MACROD1: variants seen among roughly 807,000 people sequenced by gnomAD.
MACROD1 encodes mono-ADP ribosylhydrolase 1.
A neutral mutation model predicts 41.4 loss-of-function variants in MACROD1; 31 were observed. The ratio of observed to expected loss-of-function variants is 0.75; its 90% confidence interval spans 0.56 to 1.01. The LOEUF (loss-of-function observed/expected upper bound fraction) is 1.01, where lower values mean the gene tolerates loss of function less well. MACROD1 is among the 50% of genes least tolerant of loss of function. The probability of loss-of-function intolerance (pLI) is 0.00; values close to 1 mark genes in which losing one functional copy is unlikely to be tolerated. For synonymous variants in MACROD1, 252 were observed against 203.4 expected, an observed-to-expected ratio of 1.24 and a Z score of -2.03; for missense variants, 473 against 460.0, an observed-to-expected ratio of 1.03 and a Z score of -0.26.
intron 3 of MACROD1, among the ~76,000 whole-genome samples, chr11:64,048,300 G>T (rs972594922): frequency 6.6e-6 from 1 of 152,362 alleles, no homozygotes; most frequent in Admixed American, 6.5e-5. Context: ...CCCATGGGAG[G>T]TGCAGACAGA....
At chr11:64,127,965 A>G (rs767933188) in intron 3 of MACROD1, among the ~76,000 whole-genome samples, 1 of 152,012 alleles carries the variant, frequency 6.6e-6, no homozygotes, top group Non-Finnish European at 1.5e-5. Flanking sequence ...TAAAACAAGA[A>G]CTCATTACTT....
intron 1 of MACROD1, among the ~76,000 whole-genome samples, chr11:64,160,196 T>G (rs1286575868): frequency 1.3e-5 from 2 of 152,142 alleles, no homozygotes; most frequent in Non-Finnish European, 2.9e-5. Flanking sequence ...GGGCAAGGCT[T>G]CCAAAATCAC....
At chr11:64,109,545 T>G (rs1054697051) in intron 3 of MACROD1, among the ~76,000 whole-genome samples, 3 of 151,630 alleles carry the variant, frequency 2.0e-5, no homozygotes, top group African/African-American at 7.3e-5. Context: ...TTCTCAGGGG[T>G]GGGAGTGAGT....
At chr11:64,091,991 C>A (rs926833244) in intron 3 of MACROD1, among the ~76,000 whole-genome samples, 1 of 152,170 alleles carries the variant, frequency 6.6e-6, no homozygotes, top group Non-Finnish European at 1.5e-5. Context: ...TAGAGGACAG[C>A]GGGGCTGCCG....
chr11:64,150,303 C>T (rs951042817), intron 3 of MACROD1, among the ~76,000 whole-genome samples: 1 of 152,354 alleles, frequency 6.6e-6, no homozygotes, highest in East Asian at 1.9e-4. Context: ...GGGCCAGGCA[C>T]GACCGCTACA....
At chr11:64,068,283 AC>A (rs1371110837) in intron 3 of MACROD1, among the ~76,000 whole-genome samples, 2 of 151,898 alleles carry the variant, frequency 1.3e-5, no homozygotes, top group African/African-American at 2.4e-5. Flanking sequence ...TGGCAAGGCC[AC>A]CCCAACCCCA....
At chr11:64,076,938 A>G (rs932362271) in intron 3 of MACROD1, among the ~76,000 whole-genome samples, 2 of 152,122 alleles carry the variant, frequency 1.3e-5, no homozygotes, top group African/African-American at 4.8e-5. Flanking sequence ...ATCAGCACGG[A>G]GAGAATTTTC....
chr11:64,052,112 C>T lies in MACROD1; in HGVS notation c.518-36831G>A, dbSNP rs1462294955. 2.0e-5 allele frequency among the ~76,000 whole-genome samples: 3 copies of T among 151,978 alleles called. No homozygotes were observed. In the East Asian group the frequency reaches 5.8e-4, roughly 30 times the overall value. On this transcript the variant is annotated intron_variant, in intron 3 of 10. Transcript: ENST00000255681. ...AAATCCCTTGGAGGAAGCCCTGGCC[C>T]TCCTCCCTGTAGTGAGAAAGAGTGG...
At chr11:64,108,703 G>T (rs1944807598) in intron 3 of MACROD1, among the ~76,000 whole-genome samples, 1 of 152,244 alleles carries the variant, frequency 6.6e-6, no homozygotes, top group Admixed American at 6.5e-5. Flanking sequence ...CCCGCAGTCT[G>T]CCTGCACGGC....
chr11:64,131,166 A>C (rs1945260001), intron 3 of MACROD1, among the ~76,000 whole-genome samples: 1 of 152,152 alleles, frequency 6.6e-6, no homozygotes, highest in Non-Finnish European at 1.5e-5. Context: ...CCCCCGCCCC[A>C]GGCACTGCAG....
chr11:64,133,164 G>A (rs575621497), intron 3 of MACROD1, among the ~76,000 whole-genome samples: 6 of 152,348 alleles, frequency 3.9e-5, no homozygotes, highest in East Asian at 3.9e-4. Context: ...ACAGATGCAC[G>A]GAGCCCCCAC....
At chr11:64,020,142 T>A (rs1246594224) in intron 3 of MACROD1, among the ~76,000 whole-genome samples, 2 of 152,194 alleles carry the variant, frequency 1.3e-5, no homozygotes, top group Non-Finnish European at 2.9e-5. Flanking sequence ...TTTGTCTTGA[T>A]GCTAACCAAG....
chr11:64,122,039 C>G lies in MACROD1; in HGVS notation c.517+29200G>C, dbSNP rs1006354172. On this transcript the variant is annotated intron_variant, in intron 3 of 10. Transcript: ENST00000255681. The surrounding 1 kb of genome is among the most constrained non-coding windows in gnomAD (Gnocchi z 4.0). ...GAGAAGGCACCAGCAGGCCGGGAAT[C>G]ATTTGCATTTTGCGAATGAGGCCTC... Among the ~76,000 whole-genome samples, 1 of 151,924 alleles carries G rather than the reference C, an allele frequency of 6.6e-6. No individual in the cohort carries two copies. The highest frequency in any genetic ancestry group is 1.5e-5 in the Non-Finnish European group (1 of 67,994).
In MACROD1 at chr11:64,096,282, G is replaced by A. The variant is rs774405539; in HGVS notation, c.517+54957C>T. Among the ~76,000 whole-genome samples, 8 of 152,198 alleles carry A rather than the reference G, an allele frequency of 5.3e-5. No individual in the cohort carries two copies. The highest frequency in any genetic ancestry group is 1.0e-4 in the Non-Finnish European group (7 of 68,022). On this transcript the variant is annotated intron_variant, in intron 3 of 10. Coordinates refer to ENST00000255681, the MANE Select transcript of MACROD1 (RefSeq NM_014067.4). The surrounding 1 kb of genome is among the most constrained non-coding windows in gnomAD (Gnocchi z 4.6). ...CCAATTTCCTGAAAGAAGAGGTTCC[G>A]GCCTTGGCTGGTGGCGCCAGGTTCA...
intron 3 of MACROD1, among the ~76,000 whole-genome samples, chr11:64,150,581 C>T (rs561737534): frequency 1.3e-5 from 2 of 152,324 alleles, no homozygotes; most frequent in East Asian, 1.9e-4. Context: ...GCCACCTGCT[C>T]GACTTAACCA....
At chr11:64,112,796 G>T (rs1344415559) in intron 3 of MACROD1, among the ~76,000 whole-genome samples, 1 of 152,204 alleles carries the variant, frequency 6.6e-6, no homozygotes, top group Non-Finnish European at 1.5e-5. Flanking sequence ...GCCAACAGGG[G>T]TGCCACATAG....
chr11:64,010,220 GCCCA>G, intron 4 of MACROD1, among the ~76,000 whole-genome samples: 1 of 150,036 alleles, frequency 6.7e-6, no homozygotes, highest in South Asian at 2.1e-4. Context: ...TTGGGGTGTT[GCCCA>G]GAGTGTTAGC....
At chr11:64,006,439 G>A (rs571324088) in intron 4 of MACROD1, among the ~76,000 whole-genome samples, 3 of 152,370 alleles carry the variant, frequency 2.0e-5, no homozygotes, top group South Asian at 4.1e-4. Context: ...GTGCCAAGGC[G>A]GGTGGGTGCC....
At chr11:64,028,261 C>T (rs320128) in intron 3 of MACROD1, among the ~76,000 whole-genome samples, 3,553 of 152,322 alleles carry the variant, frequency 0.023, 128 homozygotes, top group African/African-American at 0.079. Context: ...GGTCTGGAGC[C>T]GAGGGGGCCC....
Sources: allele counts gnomAD v4.1 joint callset (sites outside exome capture counted in the v4.1 genomes callset), GRCh38; gene constraint gnomAD v4.1.1; non-coding constraint Gnocchi (gnomAD v3.1); transcripts MANE v1.5; gene names NCBI Gene and HGNC (gene_info 2026-07-23, HGNC 2026-07-21).